Variants in ADAM12 observed in about 807,000 individuals in gnomAD.
ADAM12 encodes ADAM metallopeptidase domain 12.
A neutral mutation model predicts 106.4 loss-of-function variants in ADAM12; 70 were observed. The observed-to-expected ratio is 0.66, with a 90% CI of 0.54 to 0.80. The LOEUF (loss-of-function observed/expected upper bound fraction) is 0.80. Ranked by LOEUF, ADAM12 falls within the 30% of genes least tolerant of loss-of-function variation. The probability of loss-of-function intolerance (pLI) is 0.00; values close to 1 mark genes in which losing one functional copy is unlikely to be tolerated. For missense variants in ADAM12, 1,010 were observed against 1,171.9 expected, an observed-to-expected ratio of 0.86 and a Z score of 2.02; for synonymous variants, 420 against 433.5, an observed-to-expected ratio of 0.97 and a Z score of 0.39.
At chr10:126,175,965 T>C (rs1957213088) in intron 3 of ADAM12, among the ~76,000 whole-genome samples, 1 of 152,188 alleles carries the variant, frequency 6.6e-6, no homozygotes, top group Non-Finnish European at 1.5e-5. Context: ...GGTCTCTCCC[T>C]GAAGCTGTGT....
chr10:126,267,217 T>C (rs967797711), intron 3 of ADAM12, among the ~76,000 whole-genome samples: 1 of 152,140 alleles, frequency 6.6e-6, no homozygotes, highest in Non-Finnish European at 1.5e-5. Context: ...CCCTTATTCA[T>C]TAGCTCAGAA....
Position 126,038,256 on chromosome 10 carries a change from A to G in ADAM12, c.2334T>C (p.Asp778=). Residue 778 remains aspartate (D), a synonymous_variant, in exon 20 of 23, where the codon GAT becomes GAC. Transcript: ENST00000448723. ...CAAGACTCACCTTCGGTGGGTAGGAATCTGGCGGCTTCCTCATCAGGCCTT... is the reference window on the plus strand; with the variant it reads ...CAAGACTCACCTTCGGTGGGTAGGAGTCTGGCGGCTTCCTCATCAGGCCTT... ...LGKGLMRKPP[D]SYPPKDNPRR... 1 of 1,610,702 alleles carries G rather than the reference A, an allele frequency of 6.2e-7. No homozygotes were observed. Among genetic ancestry groups the G allele is most frequent in the East Asian group, 2.2e-5 (1 of 44,790 alleles).
intron 3 of ADAM12, among the ~76,000 whole-genome samples, chr10:126,229,867 C>A (rs1958275536): frequency 2.0e-5 from 3 of 152,186 alleles, no homozygotes; most frequent in Non-Finnish European, 4.4e-5. Context: ...TGCTTCTGCG[C>A]TTTCTATTGA....
intron 11 of ADAM12, among the ~76,000 whole-genome samples, chr10:126,089,514 A>C (rs1955422399): frequency 1.3e-5 from 2 of 152,200 alleles, no homozygotes. Context: ...TAACTTGGCA[A>C]ACTACAATAT....
At chr10:126,105,454 C>T (rs1340100365) in intron 8 of ADAM12, among the ~76,000 whole-genome samples, 2 of 152,148 alleles carry the variant, frequency 1.3e-5, no homozygotes, top group African/African-American at 4.8e-5. Context: ...GGCAATGGTC[C>T]AACTCGCTCA....
chr10:126,234,495 C>T (rs1050108071), intron 3 of ADAM12, among the ~76,000 whole-genome samples: 7 of 152,190 alleles, frequency 4.6e-5, no homozygotes, highest in East Asian at 1.9e-4. Context: ...TCAGTTACAA[C>T]GTTTCTAGTT....
chr10:126,366,755 T>G (rs10901603), intron 1 of ADAM12, among the ~76,000 whole-genome samples: 11,164 of 152,174 alleles, frequency 0.073, 533 homozygotes, highest in East Asian at 0.18. Context: ...ATGCAAACAC[T>G]AAGCATAGGA....
intron 14 of ADAM12, among the ~76,000 whole-genome samples, chr10:126,056,326 C>T (rs960341061): frequency 1.3e-5 from 2 of 152,142 alleles, no homozygotes; most frequent in African/African-American, 4.8e-5. Context: ...GGGGCATTTG[C>T]AGGAGAGGCA....
At position 126,123,756 on chromosome 10, in the gene ADAM12, A is replaced by G. The variant is rs552809292; in HGVS notation, c.417-5532T>C. Among the ~76,000 whole-genome samples, 22 of 152,278 alleles carry G rather than the reference A, an allele frequency of 1.4e-4. 1 individual carries two copies. In the South Asian group the frequency reaches 4.4e-3, roughly 30 times the overall value. ...CACACTCGCCTGCTTCCCTTTGTGC[A>G]GTTTTGAGAGAGGGGCCCAGAACCA... On this transcript the variant is annotated intron_variant, in intron 5 of 22. Coordinates refer to ENST00000448723, the MANE Select transcript of ADAM12 (RefSeq NM_001288973.2).
chr10:126,167,132 A>G lies in ADAM12; in HGVS notation c.261-11827T>C, dbSNP rs537666259. ...CAGTCACTAAGTAGCATCAGTCACT[A>G]ACGTTCATTTGAGCTCCTCCTAAGC... On this transcript the variant is annotated intron_variant, in intron 3 of 22. Coordinates refer to ENST00000448723, the MANE Select transcript of ADAM12 (RefSeq NM_001288973.2). 5.3e-5 allele frequency among the ~76,000 whole-genome samples: 8 copies of G among 152,342 alleles called. No individual in the cohort carries two copies. In the South Asian group the frequency reaches 1.7e-3, roughly 32 times the overall value.
At chr10:126,319,086 G>A (rs1853998811) in intron 2 of ADAM12, among the ~76,000 whole-genome samples, 1 of 152,186 alleles carries the variant, frequency 6.6e-6, no homozygotes, top group Non-Finnish European at 1.5e-5. Flanking sequence ...TTTGGGTGGG[G>A]ACACTGCCAA....
intron 21 of ADAM12, among the ~76,000 whole-genome samples, chr10:126,028,284 C>T (rs1225627688): frequency 7.9e-5 from 12 of 152,148 alleles, no homozygotes. Context: ...CATCAAACTA[C>T]TATTGACATT....
chr10:126,253,415 A>G (rs946295750), intron 3 of ADAM12, among the ~76,000 whole-genome samples: 2 of 152,148 alleles, frequency 1.3e-5, no homozygotes, highest in Admixed American at 1.3e-4. Context: ...AGCATGATTT[A>G]TGCTCGCTTA....
intron 17 of ADAM12, among the ~76,000 whole-genome samples, chr10:126,044,798 C>T (rs1565008114): frequency 1.3e-5 from 2 of 152,198 alleles, no homozygotes. Context: ...TAGAACTTGT[C>T]AGCAAGTGGC....
chr10:126,330,829 T>C (rs549585344), intron 1 of ADAM12, among the ~76,000 whole-genome samples: 2 of 152,380 alleles, frequency 1.3e-5, no homozygotes, highest in East Asian at 3.9e-4. Flanking sequence ...AGTGACTTTT[T>C]TGAAATGATG....
intron 6 of ADAM12, 42 bp downstream of exon 6, chr10:126,117,996 C>A (rs1189761827): frequency 6.2e-7 from 1 of 1,601,058 alleles, no homozygotes; most frequent in Admixed American, 1.7e-5. Flanking sequence ...GTAGCTTGAG[C>A]TCCTAGCTTT....
chr10:126,299,939 CAG>C (rs1960548031), intron 2 of ADAM12, among the ~76,000 whole-genome samples: 1 of 152,188 alleles, frequency 6.6e-6, no homozygotes, highest in South Asian at 2.1e-4. Flanking sequence ...CCACCTGGCC[CAG>C]CCCCACTCAA....
intron 3 of ADAM12, among the ~76,000 whole-genome samples, chr10:126,210,945 T>G (rs1021461343): frequency 4.6e-5 from 7 of 152,184 alleles, no homozygotes; most frequent in African/African-American, 1.7e-4. Context: ...CTCCATATTT[T>G]CCTCTGAGTA....
At chr10:126,093,496 C>T (rs527957317) in intron 11 of ADAM12, among the ~76,000 whole-genome samples, 10 of 152,254 alleles carry the variant, frequency 6.6e-5, no homozygotes, top group South Asian at 4.2e-4. Context: ...CCCAAGCTAC[C>T]GACTTCAGAG....
Sources: allele counts gnomAD v4.1 joint callset (sites outside exome capture counted in the v4.1 genomes callset), GRCh38; gene constraint gnomAD v4.1.1; transcripts MANE v1.5; gene names NCBI Gene and HGNC (gene_info 2026-07-23, HGNC 2026-07-21).